The following CD99 variants were observed in gnomAD, a reference collection of about 807,000 sequenced individuals.
CD99 encodes the protein CD99 antigen.
A neutral mutation model predicts 28.4 loss-of-function variants in CD99; 19 were observed. That is an observed-to-expected ratio of 0.67 (90% CI 0.47 to 0.98). CD99 has a LOEUF of 0.98. Among genes scored for constraint, CD99 ranks in the 50% least tolerant of loss-of-function variants. The probability of loss-of-function intolerance (pLI) is 0.00; values close to 1 mark genes in which losing one functional copy is unlikely to be tolerated. For missense variants in CD99, 283 were observed against 248.8 expected, an observed-to-expected ratio of 1.14 and a Z score of -0.92; for synonymous variants, 103 against 92.1, an observed-to-expected ratio of 1.12 and a Z score of -0.67.
At chrX:2,733,429 T>A (rs2049778431) in intron 8 of CD99, 1 of 1,548,724 alleles carries the variant, frequency 6.5e-7, no homozygotes, top group African/African-American at 1.4e-5. Context: ...AATCGTTTTA[T>A]CTGCTAAGAC....
At chrX:2,706,827 T>C (rs1290012164) in intron 1 of CD99, among the ~76,000 whole-genome samples, 3 of 151,928 alleles carry the variant, frequency 2.0e-5, no homozygotes, top group African/African-American at 7.3e-5. Context: ...AATTAATTAA[T>C]TAATTTATTT....
chrX:2,706,563 G>A (rs944052069), intron 1 of CD99, among the ~76,000 whole-genome samples: 1 of 152,122 alleles, frequency 6.6e-6, no homozygotes, highest in African/African-American at 2.4e-5. Context: ...GTGGCCAGCA[G>A]CAGGTGTGAA....
At chrX:2,714,340 C>A (rs1022730199) in intron 1 of CD99, 82 bp from the exon 2 acceptor site, 3 of 1,121,140 alleles carry the variant, frequency 2.7e-6, no homozygotes, top group Non-Finnish European at 3.9e-6. Flanking sequence ...AAAGAAAAAT[C>A]GCATATCTTT....
intron 1 of CD99, among the ~76,000 whole-genome samples, chrX:2,699,301 C>T (rs185916148): frequency 6.6e-6 from 1 of 151,638 alleles, no homozygotes; most frequent in African/African-American, 2.4e-5. Context: ...TCCTGAGTAG[C>T]TGGAACTACA....
At chrX:2,702,767 C>CA (rs2047921291) in intron 1 of CD99, among the ~76,000 whole-genome samples, 1 of 151,610 alleles carries the variant, frequency 6.6e-6, no homozygotes, top group Non-Finnish European at 1.5e-5. Context: ...CACAGAACGG[C>CA]AAAAAAATTG....
Position 2,723,323 on chromosome X carries a change from G to T in CD99, c.320G>T (p.Gly107Val), listed in dbSNP as rs1459123510. ...DGVSGGEGKG[G>V]SDGGGSHRKE... ...TGTTTTTGTCTTGCAGGAAAAGGAG[G>T]CAGTGATGGTGGAGGCAGCCACAGG... Residue 107 changes from glycine to valine, a missense_variant, in exon 7 of 10, where the codon GGC becomes GTC. Transcript: ENST00000381192. 3 of 1,613,858 alleles carry T rather than the reference G, an allele frequency of 1.9e-6. No individual in the cohort carries two copies. Among genetic ancestry groups the T allele is most frequent in the African/African-American group, 2.7e-5 (2 of 74,932 alleles).
Position 2,738,265 on chromosome X carries a change from G to A in CD99, c.532+9G>A, listed in dbSNP as rs1231390095. On this transcript the variant is annotated intron_variant, in intron 9 of 9. Transcript: ENST00000381192. ...CAACGCAGAGCCAGCTGGTAAGAAG[G>A]ACGGGGAACGATGGCTTGCACACGT... is the stretch of plus-strand genomic sequence containing the variant. 2 of 1,613,730 alleles carry A rather than the reference G, an allele frequency of 1.2e-6. No individual in the cohort carries two copies. Among genetic ancestry groups the A allele is most frequent in the East Asian group, 2.2e-5 (1 of 44,882 alleles).
rs762742002 is a variant in CD99, at chrX:2,700,141, G to C, written c.67+8714G>C. 6.6e-5 allele frequency among the ~76,000 whole-genome samples: 10 copies of C among 152,298 alleles called. No individual in the cohort carries two copies. The South Asian group carries it at 2.1e-3, about 32-fold the overall frequency. ...GGTGGCTGCGTGTGTGGGCTGAACA[G>C]AGCTCCCCAGGCACGGCCTTGTGGA... On this transcript the variant is annotated intron_variant, in intron 1 of 9. Coordinates refer to ENST00000381192, the MANE Select transcript of CD99 (RefSeq NM_002414.5).
intron 2 of CD99, among the ~76,000 whole-genome samples, chrX:2,716,016 ATTT>A (rs774911227): frequency 7.7e-6 from 1 of 129,184 alleles, no homozygotes; most frequent in African/African-American, 2.8e-5. Flanking sequence ...AGCCCTCTTC[ATTT>A]TTTTTTTTTT....
intron 8 of CD99, 38 bp from the exon 9 acceptor site, chrX:2,738,162 G>T: frequency 6.3e-7 from 1 of 1,578,772 alleles, no homozygotes; most frequent in South Asian, 1.1e-5. Flanking sequence ...GTTATCTGTT[G>T]CACTGAGCCT....
At chrX:2,728,200 C>G (rs867514534) in intron 8 of CD99, among the ~76,000 whole-genome samples, 1 of 107,002 alleles carries the variant, frequency 9.3e-6, no homozygotes, top group Non-Finnish European at 1.9e-5. Context: ...TTGGTTGTTT[C>G]TTTTTTTTTT....
At position 2,701,571 on chromosome X, in the gene CD99, A is replaced by G. The variant is rs750731762; in HGVS notation, c.67+10144A>G. ...AGAATGAGCAGAGGAAACCAGGTGT[A>G]AGGAAGAGGAAGGGCCTCTTCTCAG... On this transcript the variant is annotated intron_variant, in intron 1 of 9. Coordinates refer to ENST00000381192, the MANE Select transcript of CD99 (RefSeq NM_002414.5). Among the ~76,000 whole-genome samples, 306 of 108,498 alleles carry G rather than the reference A, an allele frequency of 2.8e-3. 1 individual carries two copies. The highest frequency in any genetic ancestry group is 4.5e-3 in the Non-Finnish European group (233 of 52,042). The allele number at this position is 108,498 out of a possible 152,430, so 71.2% of individuals were successfully genotyped here.
chrX:2,726,055 C>T (rs1296572926), intron 7 of CD99, among the ~76,000 whole-genome samples: 1 of 152,206 alleles, frequency 6.6e-6, no homozygotes, highest in Non-Finnish European at 1.5e-5. Context: ...CTGCCCAGCA[C>T]GTGCGATGGG....
In CD99 at chrX:2,740,814, G is replaced by A. The variant is rs750564177; in HGVS notation, c.*10G>A. The A allele has an allele frequency of 2.4e-5, 38 of 1,613,740 alleles. No individual in the cohort carries two copies. The Admixed American group carries it at 4.8e-4, about 21-fold the overall frequency. On this transcript the variant is annotated 3_prime_UTR_variant, in exon 10 of 10. Coordinates refer to ENST00000381192, the MANE Select transcript of CD99 (RefSeq NM_002414.5). Reference sequence around the variant, plus strand: ...TCTTTTAGAGAAATAGAAGATTGTCGGCAGAAACAGCCCAGGCGTTGGCAG... The same window carrying A: ...TCTTTTAGAGAAATAGAAGATTGTCAGCAGAAACAGCCCAGGCGTTGGCAG...
At chrX:2,732,190 T>A (rs1202476498) in intron 8 of CD99, among the ~76,000 whole-genome samples, 1 of 152,108 alleles carries the variant, frequency 6.6e-6, no homozygotes, top group Non-Finnish European at 1.5e-5. Context: ...TTGAAGCTGC[T>A]TCTCTCATGC....
intron 8 of CD99, among the ~76,000 whole-genome samples, chrX:2,730,274 G>A (rs1395533899): frequency 4.6e-5 from 7 of 151,308 alleles, no homozygotes; most frequent in Admixed American, 4.6e-4. Flanking sequence ...CCGGGTTCAA[G>A]CGACTCTCCT....
chrX:2,698,247 G>T (rs1314361186), intron 1 of CD99, among the ~76,000 whole-genome samples: 1 of 147,076 alleles, frequency 6.8e-6, no homozygotes, highest in Non-Finnish European at 1.5e-5. Flanking sequence ...GTAGCTCACT[G>T]CAGTCTTGAC....
chrX:2,737,450 C>G (rs1381689633), intron 8 of CD99, among the ~76,000 whole-genome samples: 5 of 148,784 alleles, frequency 3.4e-5, no homozygotes, highest in African/African-American at 1.2e-4. Context: ...GGTGGGATTA[C>G]AGGTGTGAGC....
intron 5 of CD99, among the ~76,000 whole-genome samples, chrX:2,722,006 G>A (rs1027265222): frequency 3.3e-5 from 5 of 151,810 alleles, no homozygotes; most frequent in Non-Finnish European, 5.9e-5. Context: ...TGATGCCAGG[G>A]GTGTGTGCAA....
Sources: allele counts gnomAD v4.1 joint callset (sites outside exome capture counted in the v4.1 genomes callset), GRCh38; gene constraint gnomAD v4.1.1; transcripts MANE v1.5; gene names NCBI Gene and HGNC (gene_info 2026-07-23, HGNC 2026-07-21).